Variants in SFTPD observed in about 807,000 individuals in gnomAD.
The protein encoded by SFTPD is surfactant protein D.
A neutral mutation model predicts 34.6 loss-of-function variants in SFTPD; 18 were observed. That is an observed-to-expected ratio of 0.52 (90% CI 0.36 to 0.77). SFTPD has a LOEUF of 0.77. SFTPD is among the 30% of genes least tolerant of loss of function. SFTPD has a pLI of 0.00. For missense variants in SFTPD, 433 were observed against 468.9 expected, an observed-to-expected ratio of 0.92 and a Z score of 0.71; for synonymous variants, 155 against 180.9, an observed-to-expected ratio of 0.86 and a Z score of 1.15.
At chr10:79,944,365 G>C (rs1842644774) in intron 2 of SFTPD, among the ~76,000 whole-genome samples, 1 of 152,186 alleles carries the variant, frequency 6.6e-6, no homozygotes, top group Non-Finnish European at 1.5e-5. Flanking sequence ...TAAAGCATAG[G>C]GTGTGTTGGG....
chr10:79,950,703 TCTC>T (rs1241689865), upstream of SFTPD: 1 of 152,232 alleles, frequency 6.6e-6, no homozygotes, highest in East Asian at 1.9e-4. Flanking sequence ...TCTCTGAGCA[TCTC>T]CTATCTGGAT....
At chr10:79,946,087 GTTTAATTAAATA>G (rs59583067) in intron 2 of SFTPD, among the ~76,000 whole-genome samples, 8,241 of 151,856 alleles carry the variant, frequency 0.054, 543 homozygotes, top group East Asian at 0.39. Flanking sequence ...ATGCAGTAGT[GTTTAATTAAATA>G]TTTAAAATAT....
At chr10:79,958,117 A>G (rs1842750725) in intron 1 of SFTPD, among the ~76,000 whole-genome samples, 2 of 152,216 alleles carry the variant, frequency 1.3e-5, no homozygotes. Context: ...TTTTGTCAAC[A>G]CCAGGCCTGC....
intron 1 of SFTPD, among the ~76,000 whole-genome samples, chr10:79,955,755 G>C (rs1161169677): frequency 1.3e-5 from 2 of 152,166 alleles, no homozygotes; most frequent in African/African-American, 4.8e-5. Context: ...AGAATTCTAG[G>C]CACTTTACTC....
chr10:79,966,576 T>C (rs983540970), intron 1 of SFTPD, among the ~76,000 whole-genome samples: 4 of 145,868 alleles, frequency 2.7e-5, no homozygotes, highest in Admixed American at 2.7e-4. Context: ...GTGCAGAAGC[T>C]CTTTAGTTTA....
upstream of SFTPD, among the ~76,000 whole-genome samples, chr10:79,951,311 C>G (rs7072378): frequency 0.23 from 35,140 of 152,062 alleles, 4,691 homozygotes; most frequent in East Asian, 0.56. Flanking sequence ...ATCTAGAGAA[C>G]CCGTTACTTC....
chr10:79,943,005 C>T (rs1466393963), intron 2 of SFTPD, 126 bp from the exon 3 acceptor site: 2 of 656,262 alleles, frequency 3.0e-6, no homozygotes, highest in Admixed American at 2.5e-5. Flanking sequence ...CGTCACACAC[C>T]CAGGCCCAGT....
upstream of SFTPD, among the ~76,000 whole-genome samples, chr10:79,952,450 C>T (rs575928526): frequency 6.6e-6 from 1 of 152,336 alleles, no homozygotes; most frequent in African/African-American, 2.4e-5. Context: ...CCCCTTCAGA[C>T]CCCAGAACCA....
At chr10:79,969,473 C>CAAAAAAAAAAAAAAAAAA (rs1361366440) in intron 1 of SFTPD, 3 of 147,948 alleles carry the variant, frequency 2.0e-5, no homozygotes, top group African/African-American at 7.6e-5. Context: ...AACTCCGTCT[C>CAAAAAAAAAAAAAAAAAA]AAAAGAAAAA....
chr10:79,942,557 A>ATTCATT, intron 3 of SFTPD, 53 bp from the exon 4 acceptor site: 2 of 1,234,964 alleles, frequency 1.6e-6, no homozygotes, highest in Non-Finnish European at 2.4e-6. Flanking sequence ...TGGCAGGAGG[A>ATTCATT]GTGTGTAGTA....
chr10:79,965,041 C>G (rs966227791), intron 1 of SFTPD, among the ~76,000 whole-genome samples: 1 of 152,144 alleles, frequency 6.6e-6, no homozygotes, highest in African/African-American at 2.4e-5. Context: ...AATCTTCATA[C>G]ACTTTACTGT....
chr10:79,962,592 C>G (rs1842780119), intron 1 of SFTPD, among the ~76,000 whole-genome samples: 1 of 152,062 alleles, frequency 6.6e-6, no homozygotes, highest in Non-Finnish European at 1.5e-5. Context: ...TGTTTTTTAA[C>G]TCCATTGTCC....
upstream of SFTPD, among the ~76,000 whole-genome samples, chr10:79,952,788 G>A (rs1389375635): frequency 6.6e-6 from 1 of 152,162 alleles, no homozygotes; most frequent in East Asian, 1.9e-4. Context: ...TTCAACTCAG[G>A]TTTTGGGGGA....
In SFTPD at chr10:79,964,847, C is replaced by T. The variant is rs192048166; in HGVS notation, c.36+17728G>A. Reference sequence around the variant, plus strand: ...TAAAATACCTCTTGGTCTAGGGAGACAGTTTCACTGGATGGGTAGAGGCCT... The same window carrying T: ...TAAAATACCTCTTGGTCTAGGGAGATAGTTTCACTGGATGGGTAGAGGCCT... On this transcript the variant is annotated intron_variant, in intron 1 of 5. Coordinates refer to the SFTPD transcript ENST00000444384. Among the ~76,000 whole-genome samples the T allele has an allele frequency of 4.3e-4, 65 of 152,262 alleles. No homozygotes were observed. The East Asian group carries it at 9.8e-3, about 23-fold the overall frequency.
chr10:79,937,874 C>T lies in SFTPD; in HGVS notation c.1106G>A (p.Arg369His), dbSNP rs1275921090. ...KWNDRACGEKRLVVCEF is the reference protein window; with the variant it reads ...KWNDRACGEKHLVVCEF ...GGCTCAGAACTCGCAGACCACAAGA[C>T]GCTTTTCTCCACAAGCCCTGTCATT... Residue 369 changes from arginine to histidine, a missense_variant, in exon 8 of 8, where the codon CGT becomes CAT. Arg to His is a conservative substitution (Grantham distance 29). Coordinates refer to ENST00000372292, the MANE Select transcript of SFTPD (RefSeq NM_003019.5). 16 of 1,553,548 alleles carry T rather than the reference C, an allele frequency of 1.0e-5. No individual in the cohort carries two copies. The highest frequency in any genetic ancestry group is 3.7e-5 in the South Asian group (3 of 81,426).
intron 1 of SFTPD, among the ~76,000 whole-genome samples, chr10:79,948,739 A>G (rs1842689834): frequency 6.6e-6 from 1 of 152,146 alleles, no homozygotes. Context: ...CAGTGCAGAA[A>G]AGAGCCTAGA....
rs890212446 is a variant in SFTPD, at chr10:79,941,548, C to G, written c.551-34G>C. ...AAAGAAGAACTGGGTGAGCTATGTACTCATTTTATTTTTTTTGTTTTTAGC... is the reference window on the plus strand; with the variant it reads ...AAAGAAGAACTGGGTGAGCTATGTAGTCATTTTATTTTTTTTGTTTTTAGC... On this transcript the variant is annotated intron_variant, in intron 5 of 7. Transcript: ENST00000372292. 5 of 1,499,842 alleles carry G rather than the reference C, an allele frequency of 3.3e-6. No homozygotes were observed. The African/African-American group carries it at 5.6e-5, about 17-fold the overall frequency. The allele number at this position is 1,499,842 out of a possible 1,614,324, so 92.9% of individuals were successfully genotyped here.
intron 1 of SFTPD, among the ~76,000 whole-genome samples, chr10:79,974,268 C>T (rs990431804): frequency 2.6e-5 from 4 of 152,152 alleles, no homozygotes; most frequent in South Asian, 2.1e-4. Context: ...CCTGAGTTGA[C>T]GCCATTCTCC....
In SFTPD at chr10:79,941,452, C is replaced by A; in HGVS notation, c.613G>T (p.Gly205Trp). 6.2e-7 allele frequency: 1 copy of A among 1,613,730 alleles called. No individual in the cohort carries two copies. Among genetic ancestry groups the A allele is most frequent in the African/African-American group, 1.3e-5 (1 of 75,044 alleles). The stretch of plus-strand genomic sequence containing the variant: ...TTGTCTCCAGGAATGCCTTTGTCCC[C>A]CTTCAATCCCGGGGGTCCCCTGGCA... ...PGARGPPGLKGDKGIPGDKGA... is the reference protein window; with the variant it reads ...PGARGPPGLKWDKGIPGDKGA... Residue 205 changes from glycine to tryptophan, a missense_variant, in exon 6 of 8, where the codon GGG becomes TGG. Coordinates refer to ENST00000372292, the MANE Select transcript of SFTPD (RefSeq NM_003019.5).
Sources: allele counts gnomAD v4.1 joint callset (sites outside exome capture counted in the v4.1 genomes callset), GRCh38; gene constraint gnomAD v4.1.1; transcripts MANE v1.5; gene names NCBI Gene and HGNC (gene_info 2026-07-23, HGNC 2026-07-21).